Variants in PACS1 observed in about 807,000 individuals in gnomAD.
PACS1 encodes PACS-1.
In PACS1, 24 loss-of-function variants were observed where a neutral mutation model predicts 115.0. The ratio of observed to expected loss-of-function variants is 0.21; its 90% confidence interval spans 0.15 to 0.29. The LOEUF (loss-of-function observed/expected upper bound fraction) is 0.29, where lower values mean the gene tolerates loss of function less well. Ranked by LOEUF, PACS1 falls within the 10% of genes least tolerant of loss-of-function variation. PACS1 has a pLI of 1.00. For missense variants in PACS1, 838 were observed against 1,251.2 expected, an observed-to-expected ratio of 0.67 and a Z score of 4.98; for synonymous variants, 453 against 504.5, an observed-to-expected ratio of 0.90 and a Z score of 1.37.
chr11:66,112,126 C>G (rs982626634), intron 1 of PACS1, among the ~76,000 whole-genome samples: 1 of 152,234 alleles, frequency 6.6e-6, no homozygotes, highest in African/African-American at 2.4e-5. Flanking sequence ...CTTCTCTACA[C>G]TGCCGGCAGA....
chr11:66,190,399 G>A (rs77268541), intron 1 of PACS1, among the ~76,000 whole-genome samples: 4,210 of 152,092 alleles, frequency 0.028, 181 homozygotes, highest in African/African-American at 0.095. Flanking sequence ...AACAATGTAC[G>A]TAGTTAACTA....
intron 1 of PACS1, among the ~76,000 whole-genome samples, chr11:66,090,843 C>T (rs1043067778): frequency 2.0e-5 from 3 of 151,940 alleles, no homozygotes; most frequent in Admixed American, 2.0e-4. Flanking sequence ...GCACGATAAC[C>T]CTGACTTTCC....
chr11:66,129,229 CA>C (rs34709137), intron 1 of PACS1, among the ~76,000 whole-genome samples: 24,498 of 151,438 alleles, frequency 0.16, 2,642 homozygotes, highest in Admixed American at 0.3. Context: ...GTCAGGAGTT[CA>C]AAACCAGCCT....
intron 9 of PACS1, among the ~76,000 whole-genome samples, 177 bp from the exon 10 acceptor site, chr11:66,220,977 A>G (rs984319734): frequency 6.6e-6 from 1 of 152,132 alleles, no homozygotes; most frequent in Non-Finnish European, 1.5e-5. Context: ...TAGGACTCTC[A>G]GGAAGTACCC....
intron 1 of PACS1, among the ~76,000 whole-genome samples, chr11:66,101,536 G>A (rs769165406): frequency 6.6e-5 from 10 of 152,176 alleles, no homozygotes; most frequent in East Asian, 1.9e-4. Context: ...TGATCATGAC[G>A]GGGTAGGAAT....
At chr11:66,079,351 T>TA (rs35212412) in intron 1 of PACS1, among the ~76,000 whole-genome samples, 2,408 of 131,612 alleles carry the variant, frequency 0.018, 92 homozygotes, top group African/African-American at 0.065. Flanking sequence ...AAGGTCTGGG[T>TA]AAAAAAAAAA....
intron 1 of PACS1, among the ~76,000 whole-genome samples, chr11:66,085,355 G>A (rs1342536765): frequency 6.6e-6 from 1 of 152,062 alleles, no homozygotes; most frequent in African/African-American, 2.4e-5. Context: ...AAAAATAATG[G>A]AGCCCTTTGC....
intron 1 of PACS1, among the ~76,000 whole-genome samples, chr11:66,155,191 G>A (rs1427465727): frequency 6.6e-6 from 1 of 152,148 alleles, no homozygotes; most frequent in Non-Finnish European, 1.5e-5. Context: ...AAAATTATAG[G>A]GGAAAACGTT....
At chr11:66,137,030 C>CT (rs1000589172) in intron 1 of PACS1, among the ~76,000 whole-genome samples, 1 of 149,444 alleles carries the variant, frequency 6.7e-6, no homozygotes, top group African/African-American at 2.5e-5. Context: ...TTGCCCCCCC[C>CT]CCCACCATTT....
At chr11:66,224,195 CAAAAAAAAA>C (rs71036281) in intron 10 of PACS1, among the ~76,000 whole-genome samples, 8 of 81,350 alleles carry the variant, frequency 9.8e-5, no homozygotes, top group Non-Finnish European at 1.6e-4. Context: ...GACTCCATCT[CAAAAAAAAA>C]AAAAAAAAAA....
chr11:66,108,650 A>G (rs1408024390), intron 1 of PACS1, among the ~76,000 whole-genome samples: 1 of 152,150 alleles, frequency 6.6e-6, no homozygotes, highest in East Asian at 1.9e-4. Flanking sequence ...CTGTAGTCCA[A>G]GCTACTTGGG....
rs1008871642 is a variant in PACS1 at position 66,234,052 on chromosome 11, A to G, written c.1994-80A>G. On this transcript the variant is annotated intron_variant, in intron 16 of 23. Coordinates refer to ENST00000320580, the MANE Select transcript of PACS1 (RefSeq NM_018026.4). ...CTAGGAAGGGACAGTCAAGGAGACCAAGGCCGTGGCCAGGGACAGCTGCTC... is the reference window on the plus strand; with the variant it reads ...CTAGGAAGGGACAGTCAAGGAGACCGAGGCCGTGGCCAGGGACAGCTGCTC... 1.2e-5 allele frequency: 19 copies of G among 1,538,226 alleles called. No individual in the cohort carries two copies. In the Admixed American group the frequency reaches 3.2e-4, roughly 26 times the overall value.
chr11:66,196,437 A>AGG (rs2134677824), intron 2 of PACS1, among the ~76,000 whole-genome samples: 1 of 152,260 alleles, frequency 6.6e-6, no homozygotes, highest in Admixed American at 6.5e-5. Flanking sequence ...TGAGTTGTGA[A>AGG]CCACAGTAGC....
intron 21 of PACS1, among the ~76,000 whole-genome samples, chr11:66,239,595 C>T (rs939244631): frequency 6.6e-6 from 1 of 152,224 alleles, no homozygotes; most frequent in Non-Finnish European, 1.5e-5. Context: ...AGGACACTTT[C>T]TGCCCTGTTT....
chr11:66,125,313 A>G (rs975463950), intron 1 of PACS1, among the ~76,000 whole-genome samples: 3 of 152,220 alleles, frequency 2.0e-5, no homozygotes, highest in Admixed American at 6.5e-5. Flanking sequence ...AAAGTACCAC[A>G]TCAATTAATG....
intron 7 of PACS1, 110 bp from the exon 8 acceptor site, chr11:66,219,636 T>G: frequency 1.2e-6 from 1 of 855,002 alleles, no homozygotes; most frequent in Non-Finnish European, 2.0e-6. Context: ...CCTCCAGTCT[T>G]CGTGTCTTCC....
chr11:66,148,251 C>T (rs1006355322), intron 1 of PACS1, among the ~76,000 whole-genome samples: 4 of 152,246 alleles, frequency 2.6e-5, no homozygotes, highest in South Asian at 2.1e-4. Flanking sequence ...ACCTCCTGGG[C>T]TCAAGTGATC....
intron 1 of PACS1, among the ~76,000 whole-genome samples, chr11:66,129,960 G>T (rs1858665475): frequency 1.3e-5 from 2 of 152,024 alleles, no homozygotes; most frequent in South Asian, 2.1e-4. Flanking sequence ...AAGCACTAAG[G>T]GTACACCTGA....
At chr11:66,159,583 A>G (rs1859441377) in intron 1 of PACS1, among the ~76,000 whole-genome samples, 4 of 151,934 alleles carry the variant, frequency 2.6e-5, no homozygotes. Flanking sequence ...TGGCCAAGAG[A>G]TTGTCGTAGG....
Sources: allele counts gnomAD v4.1 joint callset (sites outside exome capture counted in the v4.1 genomes callset), GRCh38; gene constraint gnomAD v4.1.1; transcripts MANE v1.5; gene names NCBI Gene and HGNC (gene_info 2026-07-23, HGNC 2026-07-21).